PLSCR2: variants seen among roughly 807,000 people sequenced by gnomAD.
The protein encoded by PLSCR2 is phospholipid scramblase 2, also known as PL scramblase 2.
Under a neutral mutation model 25.3 loss-of-function variants are expected in PLSCR2, and 18 were observed. The ratio of observed to expected loss-of-function variants is 0.71; its 90% CI spans 0.49 to 1.06. PLSCR2 has a LOEUF of 1.06. PLSCR2 is among the 50% of genes least tolerant of loss of function. The pLI is 0.00. For missense variants in PLSCR2, 243 were observed against 269.5 expected (o/e 0.90, Z 0.69); for synonymous variants, 88 against 87.3 (o/e 1.01, Z -0.04).
chr3:146,469,567 G>A lies in PLSCR2; in HGVS notation c.-292-9283C>T. ...AGCGTGGCTTCCTCCCGTCTGCCCC[G>A]TGACTGCCAGGCACACCTGTTGCAC... is the stretch of plus-strand genomic sequence containing the variant. On this transcript the variant is annotated intron_variant, in intron 1 of 8. Coordinates refer to the PLSCR2 transcript ENST00000336685. 2 of 985,410 alleles carry A rather than the reference G, an allele frequency of 2.0e-6. No individual in the cohort carries two copies. The highest frequency in any genetic ancestry group is 4.7e-5 in the South Asian group (1 of 21,292). 61.0% of individuals were successfully genotyped at this position (985,410 alleles called of 1,614,324 possible). A position where few individuals can be genotyped will look rare whatever the true frequency, so the allele number is the denominator to read the frequency against.
At chr3:146,454,286 T>C in intron 4 of PLSCR2, 123 bp from the exon 5 acceptor site, 1 of 593,278 alleles carries the variant, frequency 1.7e-6, no homozygotes, top group Non-Finnish European at 2.7e-6. Flanking sequence ...CCTAGGACTT[T>C]TTTTTTAAAG....
intron 2 of PLSCR2, among the ~76,000 whole-genome samples, chr3:146,405,435 G>A (rs2038632928): frequency 6.6e-6 from 1 of 152,114 alleles, no homozygotes; most frequent in Admixed American, 6.5e-5. Context: ...CAGTGAAAGA[G>A]CCAAGACGGA....
intron 2 of PLSCR2, among the ~76,000 whole-genome samples, chr3:146,412,849 G>C (rs2038901612): frequency 6.6e-6 from 1 of 152,072 alleles, no homozygotes; most frequent in South Asian, 2.1e-4. Flanking sequence ...GTGGTGGGGT[G>C]AGTAGTTTGG....
chr3:146,464,341 A>G (rs1393152991), upstream of PLSCR2, among the ~76,000 whole-genome samples: 1 of 152,168 alleles, frequency 6.6e-6, no homozygotes, highest in African/African-American at 2.4e-5. Context: ...CTTCATATAT[A>G]TATGTCTACA....
downstream of PLSCR2, among the ~76,000 whole-genome samples, chr3:146,429,890 G>C (rs975171875): frequency 6.6e-6 from 1 of 152,132 alleles, no homozygotes; most frequent in Non-Finnish European, 1.5e-5. Flanking sequence ...CTCCCAAAGT[G>C]CTGGGATTAC....
At chr3:146,404,673 G>C (rs192918390) in intron 2 of PLSCR2, among the ~76,000 whole-genome samples, 70 of 152,206 alleles carry the variant, frequency 4.6e-4, no homozygotes, top group African/African-American at 1.5e-3. Flanking sequence ...AGACATTGGT[G>C]AGACTCCAGG....
At chr3:146,464,038 C>G, upstream of PLSCR2, 1 of 907,540 alleles carries the variant, frequency 1.1e-6, no homozygotes, top group Non-Finnish European at 1.3e-6. Context: ...GATTTAACTT[C>G]CCGGATTTTC....
At chr3:146,400,056 A>G (rs115375447) in intron 2 of PLSCR2, among the ~76,000 whole-genome samples, 1,530 of 151,940 alleles carry the variant, frequency 0.01, 19 homozygotes, top group African/African-American at 0.025. Context: ...TCAAGCCACA[A>G]AATATAGGTA....
At chr3:146,469,762 G>C (rs1230531514) in intron 1 of PLSCR2, among the ~76,000 whole-genome samples, 1 of 147,288 alleles carries the variant, frequency 6.8e-6, no homozygotes, top group African/African-American at 2.5e-5. Context: ...CGGCCGAGCT[G>C]GGGGCGCGAC....
chr3:146,451,366 C>T (rs1263351920), intron 5 of PLSCR2, among the ~76,000 whole-genome samples: 1 of 152,002 alleles, frequency 6.6e-6, no homozygotes, highest in African/African-American at 2.4e-5. Flanking sequence ...CCGCCCGCCT[C>T]GGCCTCCCAA....
intron 3 of PLSCR2, among the ~76,000 whole-genome samples, chr3:146,393,280 G>A (rs1380094214): frequency 2.6e-5 from 4 of 151,092 alleles, no homozygotes; most frequent in Non-Finnish European, 5.9e-5. Context: ...TACACGCCTC[G>A]GCCTCCCAAA....
intron 2 of PLSCR2, among the ~76,000 whole-genome samples, chr3:146,414,821 T>G (rs1433513835): frequency 6.6e-6 from 1 of 152,236 alleles, no homozygotes; most frequent in Non-Finnish European, 1.5e-5. Context: ...CTGAAATACC[T>G]GTATTTGAGG....
chr3:146,471,247 T>TA (rs1043232643), intron 1 of PLSCR2, among the ~76,000 whole-genome samples: 12 of 151,918 alleles, frequency 7.9e-5, no homozygotes, highest in Middle Eastern at 3.5e-3. Flanking sequence ...CTGTATACAA[T>TA]AAAAAAAACA....
intron 3 of PLSCR2, among the ~76,000 whole-genome samples, chr3:146,456,655 A>G (rs1461561811): frequency 1.3e-5 from 2 of 152,216 alleles, no homozygotes; most frequent in Non-Finnish European, 2.9e-5. Flanking sequence ...TGCAACAATT[A>G]TATTTTTAGC....
upstream of PLSCR2, chr3:146,461,848 C>A: frequency 9.5e-7 from 1 of 1,056,078 alleles, no homozygotes; most frequent in Non-Finnish European, 1.4e-6. Context: ...GGAATTTAAG[C>A]AGAAGAGTGA....
intron 2 of PLSCR2, 24 bp downstream of exon 2, chr3:146,459,824 A>G: frequency 7.3e-7 from 1 of 1,374,028 alleles, no homozygotes; most frequent in Non-Finnish European, 1.0e-6. Context: ...TTTTTTTCTG[A>G]GTATTTTACG....
At chr3:146,462,765 G>A (rs138281857), upstream of PLSCR2, among the ~76,000 whole-genome samples, 709 of 152,110 alleles carry the variant, frequency 4.7e-3, 5 homozygotes, top group South Asian at 0.016. Flanking sequence ...GCGCTCGGCC[G>A]ATGGTGAACA....
intron 6 of PLSCR2, among the ~76,000 whole-genome samples, chr3:146,444,032 G>A (rs1370945667): frequency 6.6e-6 from 1 of 151,804 alleles, no homozygotes; most frequent in Non-Finnish European, 1.5e-5. Context: ...GGTAATTTAG[G>A]AGCATATTGT....
intron 1 of PLSCR2, among the ~76,000 whole-genome samples, chr3:146,474,131 G>T (rs2042207123): frequency 6.6e-6 from 1 of 152,044 alleles, no homozygotes; most frequent in African/African-American, 2.4e-5. Context: ...TCTGTGATGT[G>T]CATAAGTACA....
Sources: allele counts gnomAD v4.1 joint callset (sites outside exome capture counted in the v4.1 genomes callset), GRCh38; gene constraint gnomAD v4.1.1; transcripts MANE v1.5; gene names NCBI Gene and HGNC (gene_info 2026-07-23, HGNC 2026-07-21).